WDTC1: variants seen among roughly 807,000 people sequenced by gnomAD.
WDTC1 encodes WD and tetratricopeptide repeats protein 1.
A neutral mutation model predicts 76.0 loss-of-function variants in WDTC1; 12 were observed. The ratio of observed to expected loss-of-function variants is 0.16; its 90% CI spans 0.10 to 0.26. The LOEUF (loss-of-function observed/expected upper bound fraction) is 0.26. WDTC1 is among the 10% of genes least tolerant of loss of function. The pLI is 1.00. For synonymous variants in WDTC1, 326 were observed against 350.8 expected, an observed-to-expected ratio of 0.93 and a Z score of 0.79; for missense variants, 511 against 908.8, an observed-to-expected ratio of 0.56 and a Z score of 5.63.
chr1:27,281,181 G>C (rs1174053663), intron 3 of WDTC1, among the ~76,000 whole-genome samples: 4 of 152,132 alleles, frequency 2.6e-5, no homozygotes, highest in Non-Finnish European at 4.4e-5. Context: ...GCCGTGTGAG[G>C]CTGGGCGCGG....
chr1:27,292,402 G>T lies in WDTC1; in HGVS notation c.662+5G>T. The T allele has an allele frequency of 6.4e-7, 1 of 1,565,698 alleles. No homozygotes were observed. Among genetic ancestry groups the T allele is most frequent in the South Asian group, 1.2e-5 (1 of 85,000 alleles). On this transcript the variant is annotated splice_donor_5th_base_variant and intron_variant, in intron 7 of 15. Transcript: ENST00000319394. Reference sequence around the variant, plus strand: ...CCGCATGATCCATAACCACAGGTATGAATAGTTCAGCCTCCTGTCTCCTGT... The same window carrying T: ...CCGCATGATCCATAACCACAGGTATTAATAGTTCAGCCTCCTGTCTCCTGT...
rs540196043 is a variant in WDTC1, at chr1:27,234,866, C to G, written c.-185C>G. On this transcript the variant is annotated 5_prime_UTR_variant, in exon 1 of 16. Coordinates refer to ENST00000319394, the MANE Select transcript of WDTC1 (RefSeq NM_001276252.2). Reference sequence around the variant, plus strand: ...GCCCCCTCCCCGGGATCCGCGCCCCCCTTCCCGGGAGAGGGGCCGCCCCCC... The same window carrying G: ...GCCCCCTCCCCGGGATCCGCGCCCCGCTTCCCGGGAGAGGGGCCGCCCCCC... 22 of 396,606 alleles carry G rather than the reference C, an allele frequency of 5.5e-5. No individual in the cohort carries two copies. Among genetic ancestry groups the G allele is most frequent in the South Asian group, 5.1e-4 (4 of 7,840 alleles). The allele number at this position is 396,606 out of a possible 1,614,324, so 24.6% of individuals were successfully genotyped here.
intron 5 of WDTC1, among the ~76,000 whole-genome samples, chr1:27,285,735 C>T (rs2013314490): frequency 6.6e-6 from 1 of 151,456 alleles, no homozygotes; most frequent in South Asian, 2.1e-4. Context: ...TACAGGCATA[C>T]ACCACCACAC....
chr1:27,306,452 A>C lies in WDTC1; in HGVS notation c.*69A>C, dbSNP rs1481588647. On this transcript the variant is annotated 3_prime_UTR_variant, in exon 16 of 16. Coordinates refer to ENST00000319394, the MANE Select transcript of WDTC1 (RefSeq NM_001276252.2). This position sits in a 1 kb window ranked among gnomAD's most constrained non-coding sequence, Gnocchi z 5.0. ...TCTGCCCTGGGCAGGAGGTCAGGGG[A>C]TTCTGTTTTGGTTTGTCTTCCCCAC... 1.3e-6 allele frequency: 2 copies of C among 1,529,342 alleles called. No individual in the cohort carries two copies. The highest frequency in any genetic ancestry group is 1.8e-6 in the Non-Finnish European group (2 of 1,140,956). The allele number at this position is 1,529,342 out of a possible 1,614,324, so 94.7% of individuals were successfully genotyped here. A position where few individuals can be genotyped will look rare whatever the true frequency, so the allele number is the denominator to read the frequency against.
At chr1:27,250,289 C>T (rs965743719) in intron 1 of WDTC1, among the ~76,000 whole-genome samples, 1 of 151,914 alleles carries the variant, frequency 6.6e-6, no homozygotes, top group East Asian at 1.9e-4. Flanking sequence ...CAGGTTCAAG[C>T]GATTCTCCTG....
In WDTC1 at chr1:27,279,452, C is replaced by T. The variant is rs568021944; in HGVS notation, c.133-2787C>T. On this transcript the variant is annotated intron_variant, in intron 3 of 15. Transcript: ENST00000319394. ...ACTCAGGAGGCTGGGGTGGGAGGATCGCTGGAGCCCGACCAGAAATATAAT... is the reference window on the plus strand; with the variant it reads ...ACTCAGGAGGCTGGGGTGGGAGGATTGCTGGAGCCCGACCAGAAATATAAT... Among the ~76,000 whole-genome samples, 5 of 152,268 alleles carry T rather than the reference C, an allele frequency of 3.3e-5. No individual in the cohort carries two copies. In the East Asian group the frequency reaches 5.8e-4, roughly 18 times the overall value.
chr1:27,292,440 A>G lies in WDTC1; in HGVS notation c.662+43A>G, dbSNP rs747640440. 2.0e-6 allele frequency: 3 copies of G among 1,480,206 alleles called. No individual in the cohort carries two copies. The South Asian group carries it at 4.2e-5, about 21-fold the overall frequency. 91.7% of individuals were successfully genotyped at this position (1,480,206 alleles called of 1,614,324 possible). A position where few individuals can be genotyped will look rare whatever the true frequency, so the allele number is the denominator to read the frequency against. ...TCCTGTCTCCTGTGAGTAAGTCCCCAGAGAACCTACTGCCCCTTTCCCTCA... is the reference window on the plus strand; with the variant it reads ...TCCTGTCTCCTGTGAGTAAGTCCCCGGAGAACCTACTGCCCCTTTCCCTCA... On this transcript the variant is annotated intron_variant, in intron 7 of 15. Coordinates refer to ENST00000319394, the MANE Select transcript of WDTC1 (RefSeq NM_001276252.2).
chr1:27,281,215 A>G (rs1009149753), intron 3 of WDTC1, among the ~76,000 whole-genome samples: 8 of 151,942 alleles, frequency 5.3e-5, no homozygotes, highest in Non-Finnish European at 1.0e-4. Flanking sequence ...TAATCCTAGC[A>G]CTTTGGGAGG....
chr1:27,268,997 G>A (rs1036554629), intron 3 of WDTC1, among the ~76,000 whole-genome samples: 11 of 150,068 alleles, frequency 7.3e-5, no homozygotes, highest in African/African-American at 2.7e-4. Context: ...TTACAGGTGT[G>A]AGCCACTGCG....
intron 5 of WDTC1, among the ~76,000 whole-genome samples, chr1:27,284,180 A>G (rs1215301094): frequency 6.6e-6 from 1 of 152,162 alleles, no homozygotes; most frequent in Non-Finnish European, 1.5e-5. Flanking sequence ...GAAAGAAAGA[A>G]CTGTCTAATG....
chr1:27,257,635 A>G (rs1570948043), intron 1 of WDTC1, among the ~76,000 whole-genome samples: 1 of 152,200 alleles, frequency 6.6e-6, no homozygotes, highest in East Asian at 1.9e-4. Flanking sequence ...TGCAAAAATC[A>G]TCATGAAACT....
intron 3 of WDTC1, among the ~76,000 whole-genome samples, chr1:27,273,746 T>G (rs2012941894): frequency 6.6e-6 from 1 of 151,938 alleles, no homozygotes; most frequent in African/African-American, 2.4e-5. Flanking sequence ...ACTGAAGTAT[T>G]TAAGTGTAAG....
chr1:27,294,459 T>C, intron 8 of WDTC1, 55 bp from the exon 9 acceptor site: 1 of 1,493,408 alleles, frequency 6.7e-7, no homozygotes, highest in Non-Finnish European at 9.3e-7. Context: ...TCACACAATC[T>C]CATGCCCCTT....
chr1:27,289,102 T>G (rs71514287), intron 6 of WDTC1, among the ~76,000 whole-genome samples: 70 of 121,858 alleles, frequency 5.7e-4, no homozygotes, highest in African/African-American at 2.0e-3. Context: ...ACCTCCCTCC[T>G]GGACGGGGCG....
At chr1:27,246,326 A>G (rs1264437058) in intron 1 of WDTC1, among the ~76,000 whole-genome samples, 1 of 152,214 alleles carries the variant, frequency 6.6e-6, no homozygotes, top group Non-Finnish European at 1.5e-5. Context: ...TACGACATGT[A>G]GTCTTTTGTG....
intron 1 of WDTC1, among the ~76,000 whole-genome samples, chr1:27,260,454 C>T (rs1055408307): frequency 4.6e-5 from 7 of 152,170 alleles, no homozygotes; most frequent in African/African-American, 4.8e-5. Flanking sequence ...GTCTTGGACA[C>T]GGTCACCATT....
In WDTC1 at chr1:27,301,041, C is replaced by G. The variant is rs1025983838; in HGVS notation, c.1233-185C>G. ...CAGGGTTTCCTGGCTTGCTCCTTAA[C>G]CATACTCTGTCTCCTGATGGGGGAG... On this transcript the variant is annotated intron_variant, in intron 12 of 15. Transcript: ENST00000319394. This position sits in a 1 kb window ranked among gnomAD's most constrained non-coding sequence, Gnocchi z 5.8. 6.6e-6 allele frequency among the ~76,000 whole-genome samples: 1 copy of G among 152,194 alleles called. No homozygotes were observed. Among genetic ancestry groups the G allele is most frequent in the Non-Finnish European group, 1.5e-5 (1 of 68,028 alleles).
chr1:27,275,423 G>C (rs1177525478), intron 3 of WDTC1, among the ~76,000 whole-genome samples: 1 of 152,022 alleles, frequency 6.6e-6, no homozygotes, highest in Non-Finnish European at 1.5e-5. Context: ...AAAGATGCCA[G>C]CCTGGCCAAC....
chr1:27,298,844 C>G lies in WDTC1; in HGVS notation c.1232+733C>G, dbSNP rs139863502. Among the ~76,000 whole-genome samples the G allele has an allele frequency of 5.7e-3, 873 of 151,986 alleles. 10 individuals carry two copies. The highest frequency in any genetic ancestry group is 0.02 in the African/African-American group (835 of 41,458). The stretch of plus-strand genomic sequence containing the variant: ...CTGCTCCGTCTGGCATCCGTCGGCT[C>G]TGCCCAGACAGACAGGCCAGCTGGT... On this transcript the variant is annotated intron_variant, in intron 12 of 15. Transcript: ENST00000319394.
Sources: gnomAD v4.1 joint callset for allele counts (sites outside exome capture counted in the v4.1 genomes callset) on GRCh38, gnomAD v4.1.1 for gene constraint, Gnocchi (gnomAD v3.1) non-coding constraint, MANE v1.5 for transcripts, NCBI Gene and HGNC (gene_info 2026-07-23, HGNC 2026-07-21) for gene names.